The following SORCS2 variants were observed in gnomAD, a reference collection of about 807,000 sequenced individuals.
The protein encoded by SORCS2 is sortilin related VPS10 domain containing receptor 2.
Under a neutral mutation model 141.6 loss-of-function variants are expected in SORCS2, and 100 were observed. The ratio of observed to expected loss-of-function variants is 0.71; its 90% CI spans 0.60 to 0.83. The LOEUF (loss-of-function observed/expected upper bound fraction) is 0.83. Ranked by LOEUF, SORCS2 falls within the 40% of genes least tolerant of loss-of-function variation. The probability of loss-of-function intolerance (pLI) is 0.00; values close to 1 mark genes in which losing one functional copy is unlikely to be tolerated. For missense variants in SORCS2, 1,646 were observed against 1,560.2 expected (o/e 1.05, Z -0.93); for synonymous variants, 789 against 676.9 (o/e 1.17, Z -2.57).
chr4:7,691,970 A>G (rs1268820037), intron 11 of SORCS2, among the ~76,000 whole-genome samples: 1 of 151,622 alleles, frequency 6.6e-6, no homozygotes, highest in Non-Finnish European at 1.5e-5. Flanking sequence ...GGTGTCAGTC[A>G]CAGCCTTCCT....
Position 7,741,136 on chromosome 4 carries a change from C to T in SORCS2, c.*872C>T, listed in dbSNP as rs562411202. 14 of 398,532 alleles carry T rather than the reference C, an allele frequency of 3.5e-5. No individual in the cohort carries two copies. The highest frequency in any genetic ancestry group is 5.7e-5 in the Non-Finnish European group (13 of 226,126). The allele number at this position is 398,532 out of a possible 1,614,324, so 24.7% of individuals were successfully genotyped here. ...TCTGGGCTCTGGAAGGAGCCAGATG[C>T]CCCCAGAAAGGTGGGTGGTGGAGAC... On this transcript the variant is annotated 3_prime_UTR_variant, in exon 27 of 27. Coordinates refer to ENST00000507866, the MANE Select transcript of SORCS2 (RefSeq NM_020777.3).
At chr4:7,256,657 A>C (rs1281566048) in intron 1 of SORCS2, among the ~76,000 whole-genome samples, 1 of 151,526 alleles carries the variant, frequency 6.6e-6, no homozygotes, top group Non-Finnish European at 1.5e-5. Context: ...CTCGGATGCG[A>C]ACGTAATGTG....
chr4:7,583,440 TC>T (rs1350136914), intron 3 of SORCS2, among the ~76,000 whole-genome samples: 3 of 152,158 alleles, frequency 2.0e-5, no homozygotes, highest in Non-Finnish European at 4.4e-5. Flanking sequence ...AAAGTAGGCC[TC>T]CCACCCAGGT....
At chr4:7,504,536 G>C (rs1035172591) in intron 2 of SORCS2, among the ~76,000 whole-genome samples, 1 of 152,218 alleles carries the variant, frequency 6.6e-6, no homozygotes, top group Non-Finnish European at 1.5e-5. Context: ...AGTGGTGCCA[G>C]TGTCACTCAG....
intron 2 of SORCS2, among the ~76,000 whole-genome samples, chr4:7,448,759 CTTTT>C (rs1560292794): frequency 9.4e-6 from 1 of 105,846 alleles, no homozygotes; most frequent in Non-Finnish European, 2.0e-5. Flanking sequence ...CTCCCTCCCT[CTTTT>C]CCTTTCTCTC....
intron 1 of SORCS2, among the ~76,000 whole-genome samples, chr4:7,358,703 A>G (rs901374980): frequency 6.6e-6 from 1 of 152,208 alleles, no homozygotes; most frequent in African/African-American, 2.4e-5. Context: ...AAATAGAGAA[A>G]TTAATTTTCC....
At chr4:7,292,478 A>T (rs1349679790) in intron 1 of SORCS2, among the ~76,000 whole-genome samples, 1 of 151,172 alleles carries the variant, frequency 6.6e-6, no homozygotes, top group Non-Finnish European at 1.5e-5. Flanking sequence ...GTTCACAGTT[A>T]GTGTGCTCTG....
At chr4:7,644,642 G>C (rs1328257340) in intron 4 of SORCS2, among the ~76,000 whole-genome samples, 1 of 152,140 alleles carries the variant, frequency 6.6e-6, no homozygotes, top group Non-Finnish European at 1.5e-5. Context: ...TAAGAGTCCA[G>C]GGCAGACTCG....
At chr4:7,517,099 T>C (rs1733036589) in intron 2 of SORCS2, among the ~76,000 whole-genome samples, 1 of 152,222 alleles carries the variant, frequency 6.6e-6, no homozygotes, top group African/African-American at 2.4e-5. Context: ...CCATGATTAC[T>C]ACTACAGCCA....
chr4:7,201,863 C>T lies in SORCS2; in HGVS notation c.480+8737C>T, dbSNP rs1261142813. ...TGCTGTTCCTGACCGACGTCCTCCC[C>T]TTTTGGAAGTCCAGGGAGCAGAGAT... On this transcript the variant is annotated intron_variant, in intron 1 of 26. Transcript: ENST00000507866. The surrounding 1 kb of genome is among the most constrained non-coding windows in gnomAD (Gnocchi z 4.4). 6.6e-6 allele frequency among the ~76,000 whole-genome samples: 1 copy of T among 152,178 alleles called. No homozygotes were observed. Among genetic ancestry groups the T allele is most frequent in the Non-Finnish European group, 1.5e-5 (1 of 68,032 alleles).
At chr4:7,220,100 G>A (rs963991930) in intron 1 of SORCS2, among the ~76,000 whole-genome samples, 1 of 152,196 alleles carries the variant, frequency 6.6e-6, no homozygotes, top group African/African-American at 2.4e-5. Flanking sequence ...TTTTACTGGA[G>A]TTGGGCTGAG....
rs557588487 is a variant in SORCS2, at chr4:7,399,360, A to G, written c.548+3005A>G. 3.3e-5 allele frequency among the ~76,000 whole-genome samples: 5 copies of G among 152,320 alleles called. No homozygotes were observed. In the South Asian group the frequency reaches 1.0e-3, roughly 32 times the overall value. ...AGACACAATTAATGAATGTGCACTG[A>G]GTCTCCTAAGAATCCTTCTGTGTAA... On this transcript the variant is annotated intron_variant, in intron 2 of 26. Transcript: ENST00000507866.
At chr4:7,679,211 C>T (rs769108287) in intron 9 of SORCS2, among the ~76,000 whole-genome samples, 3 of 152,144 alleles carry the variant, frequency 2.0e-5, no homozygotes, top group Non-Finnish European at 4.4e-5. Context: ...GGGCACAACC[C>T]AGGTGTGAGG....
At chr4:7,697,854 C>T (rs1036993020) in intron 12 of SORCS2, among the ~76,000 whole-genome samples, 1 of 149,088 alleles carries the variant, frequency 6.7e-6, no homozygotes, top group Admixed American at 6.7e-5. Context: ...AAGTGAGGAG[C>T]GGAGAGGAAG....
chr4:7,235,017 G>T (rs188149135), intron 1 of SORCS2, among the ~76,000 whole-genome samples: 108 of 152,342 alleles, frequency 7.1e-4, no homozygotes, highest in Middle Eastern at 3.4e-3. Context: ...GAGCGAGTTG[G>T]GCACAGGGTG....
Position 7,286,562 on chromosome 4 carries a change from A to G in SORCS2, c.480+93436A>G, listed in dbSNP as rs1577356509. 6.6e-6 allele frequency among the ~76,000 whole-genome samples: 1 copy of G among 152,200 alleles called. No homozygotes were observed. The highest frequency in any genetic ancestry group is 2.1e-4 in the South Asian group (1 of 4,826). On this transcript the variant is annotated intron_variant, in intron 1 of 26. Coordinates refer to ENST00000507866, the MANE Select transcript of SORCS2 (RefSeq NM_020777.3). The surrounding 1 kb of genome is among the most constrained non-coding windows in gnomAD (Gnocchi z 4.1). ...TGGAGCTGGGGTCGGTCCCAGGACC[A>G]GAAGGGACATGGTCCCATTCGGTCC...
intron 1 of SORCS2, among the ~76,000 whole-genome samples, chr4:7,318,128 T>A (rs6845859): frequency 0.83 from 125,706 of 152,192 alleles, 52,349 homozygotes; most frequent in Non-Finnish European, 0.88. Context: ...TGTGCCACAC[T>A]TTGGCGGCCA....
intron 26 of SORCS2, among the ~76,000 whole-genome samples, chr4:7,738,732 C>A (rs946194886): frequency 1.2e-4 from 19 of 152,190 alleles, no homozygotes; most frequent in African/African-American, 4.3e-4. Context: ...CCCCACTGTG[C>A]AAATTATTGA....
At chr4:7,647,898 G>A (rs993128605) in intron 4 of SORCS2, among the ~76,000 whole-genome samples, 1 of 152,248 alleles carries the variant, frequency 6.6e-6, no homozygotes, top group South Asian at 2.1e-4. Context: ...AGCGTGAACC[G>A]TGGTAAAGCT....
Sources: allele counts gnomAD v4.1 joint callset (sites outside exome capture counted in the v4.1 genomes callset), GRCh38; gene constraint gnomAD v4.1.1; non-coding constraint Gnocchi (gnomAD v3.1); transcripts MANE v1.5; gene names NCBI Gene and HGNC (gene_info 2026-07-23, HGNC 2026-07-21).